Variants in BPI observed in about 807,000 individuals in gnomAD.
The protein encoded by BPI is bactericidal permeability-increasing protein.
A neutral mutation model predicts 57.6 loss-of-function variants in BPI; 48 were observed. The ratio of observed to expected loss-of-function variants is 0.83; its 90% CI spans 0.66 to 1.06. The LOEUF (loss-of-function observed/expected upper bound fraction) is 1.06. Ranked by LOEUF, BPI falls within the 50% of genes least tolerant of loss-of-function variation. The pLI is 0.00. For missense variants in BPI, 651 were observed against 609.7 expected (o/e 1.07, Z -0.71); for synonymous variants, 237 against 238.2 (o/e 0.99, Z 0.05).
Position 38,324,018 on chromosome 20 carries a change from TC to T in BPI, c.906del (p.Leu303Ter). Reference protein sequence around the residue: ...TAGLVYQEAGVLKMTLRDDMI... With the variant: ...TAGLVYQEAGXLKMTLRDDMI... ...GGGCTTGTATACCAAGAGGCTGGGG[TC>T]TTGAAGATGACCCTTAGAGATGACA... On this transcript the variant is annotated frameshift_variant, in exon 8 of 15. Coordinates refer to ENST00000642449, the MANE Select transcript of BPI (RefSeq NM_001725.3). LOFTEE classifies it high-confidence loss of function. The T allele has an allele frequency of 6.2e-7, 1 of 1,613,980 alleles. No individual in the cohort carries two copies. Among genetic ancestry groups the T allele is most frequent in the Non-Finnish European group, 8.5e-7 (1 of 1,180,020 alleles).
rs77235139 is a variant in BPI at position 38,335,013 on chromosome 20, C to A, written c.1336+520C>A. ...AAAGTACTAATAGAGGCCCATATAA[C>A]CTGTGACTAGGATATTTAGAACTTA... On this transcript the variant is annotated intron_variant, in intron 13 of 14. Transcript: ENST00000642449. 5.5e-3 allele frequency among the ~76,000 whole-genome samples: 836 copies of A among 152,236 alleles called. 9 individuals are homozygous for A. Among genetic ancestry groups the A allele is most frequent in the African/African-American group, 0.019 (801 of 41,554 alleles).
chr20:38,324,135 A>C (rs1233814441), intron 8 of BPI, 89 bp downstream of exon 8: 651 of 1,435,180 alleles, frequency 4.5e-4, no homozygotes, highest in Non-Finnish European at 5.6e-4. Context: ...AGCTTTTCTC[A>C]CATTGGGGTA....
At chr20:38,317,258 C>T (rs76258615) in intron 5 of BPI, among the ~76,000 whole-genome samples, 16 of 152,300 alleles carry the variant, frequency 1.1e-4, no homozygotes, top group Admixed American at 1.0e-3. Context: ...CTATCTATTG[C>T]TTGAAAACAA....
intron 7 of BPI, among the ~76,000 whole-genome samples, chr20:38,321,166 TGG>T (rs1568814926): frequency 2.0e-4 from 26 of 129,606 alleles, no homozygotes; most frequent in African/African-American, 7.8e-4. Flanking sequence ...GATGGATGGA[TGG>T]ATGGATGGAT....
intron 7 of BPI, among the ~76,000 whole-genome samples, chr20:38,321,367 A>C (rs185600884): frequency 9.7e-4 from 147 of 152,126 alleles, no homozygotes; most frequent in Non-Finnish European, 9.1e-4. Context: ...AACCAGACAC[A>C]CTGGCCTTAC....
At chr20:38,313,346 G>T (rs2076630618) in intron 5 of BPI, among the ~76,000 whole-genome samples, 1 of 128,018 alleles carries the variant, frequency 7.8e-6, no homozygotes, top group South Asian at 2.5e-4. Flanking sequence ...TCATGCCATT[G>T]CACTCCAGCC....
At chr20:38,320,828 T>C (rs1189540423) in intron 7 of BPI, among the ~76,000 whole-genome samples, 4 of 120,768 alleles carry the variant, frequency 3.3e-5, no homozygotes. Context: ...ATTTGTTGGA[T>C]GGGTGGATGG....
intron 11 of BPI, 142 bp from the exon 12 acceptor site, chr20:38,330,906 G>A: frequency 2.2e-6 from 2 of 899,710 alleles, no homozygotes; most frequent in South Asian, 1.6e-5. Context: ...ACATCGGGGG[G>A]CTGTGACCCG....
chr20:38,308,917 T>G lies in BPI; in HGVS notation c.246-13T>G. 6.2e-7 allele frequency: 1 copy of G among 1,614,102 alleles called. No individual in the cohort carries two copies. Among genetic ancestry groups the G allele is most frequent in the Non-Finnish European group, 8.5e-7 (1 of 1,179,940 alleles). On this transcript the variant is annotated splice_polypyrimidine_tract_variant and intron_variant, in intron 2 of 14. Transcript: ENST00000642449. The stretch of plus-strand genomic sequence containing the variant: ...ATATGAAATTATATGACATTCACAT[T>G]TCTCCTTTGCAGCATGGACATCCGT...
intron 7 of BPI, among the ~76,000 whole-genome samples, chr20:38,323,004 C>T (rs940574916): frequency 1.1e-4 from 16 of 152,122 alleles, no homozygotes; most frequent in African/African-American, 3.9e-4. Context: ...ACAGAGAATG[C>T]TATACACTTC....
intron 12 of BPI, among the ~76,000 whole-genome samples, chr20:38,334,162 G>A (rs191339275): frequency 1.4e-4 from 22 of 152,282 alleles, no homozygotes; most frequent in East Asian, 3.9e-4. Flanking sequence ...CATGATTGTC[G>A]TGAGTTGTAA....
intron 11 of BPI, 151 bp downstream of exon 11, chr20:38,327,806 G>C (rs961900277): frequency 4.2e-5 from 38 of 898,030 alleles, no homozygotes; most frequent in Non-Finnish European, 6.4e-5. Flanking sequence ...GATGGCCACA[G>C]TATCCCCATT....
chr20:38,305,686 G>A (rs2076593508), intron 1 of BPI, among the ~76,000 whole-genome samples: 2 of 152,068 alleles, frequency 1.3e-5, no homozygotes. Context: ...TCTGCCCCTT[G>A]TCCGCTGTGT....
chr20:38,305,258 C>T (rs558816747), intron 1 of BPI, among the ~76,000 whole-genome samples: 1 of 152,268 alleles, frequency 6.6e-6, no homozygotes, highest in Non-Finnish European at 1.5e-5. Context: ...CAGAAGGCCA[C>T]AGAAGACAGA....
intron 3 of BPI, 34 bp from the exon 4 acceptor site, chr20:38,310,457 G>C: frequency 6.2e-7 from 1 of 1,601,358 alleles, no homozygotes; most frequent in Non-Finnish European, 8.5e-7. Context: ...GGGAAGAAAG[G>C]ACTTGTCCCA....
At position 38,307,590 on chromosome 20, in the gene BPI, C is replaced by T. The variant is rs759273170; in HGVS notation, c.154C>T (p.Leu52=). ...DYASQQGTAA[L]QKELKRIKIP... Reference sequence around the variant, plus strand: ...AGCCAGCCAGCAGGGGACGGCCGCTCTGCAGAAGGAGCTGAAGAGGATCAA... The same window carrying T: ...AGCCAGCCAGCAGGGGACGGCCGCTTTGCAGAAGGAGCTGAAGAGGATCAA... Residue 52 remains leucine, a synonymous_variant, in exon 2 of 15, where the codon CTG becomes TTG. Coordinates refer to ENST00000642449, the MANE Select transcript of BPI (RefSeq NM_001725.3). 2.5e-6 allele frequency: 4 copies of T among 1,609,904 alleles called. No homozygotes were observed. Among genetic ancestry groups the T allele is most frequent in the Non-Finnish European group, 3.4e-6 (4 of 1,178,406 alleles).
At chr20:38,308,887 G>C (rs765068736) in intron 2 of BPI, 43 bp from the exon 3 acceptor site, 41 of 1,612,324 alleles carry the variant, frequency 2.5e-5, no homozygotes, top group Non-Finnish European at 3.4e-5. Flanking sequence ...TGTGCACCTA[G>C]GAGTATATGA....
chr20:38,316,726 G>A (rs2076653995), intron 5 of BPI, among the ~76,000 whole-genome samples: 1 of 152,204 alleles, frequency 6.6e-6, no homozygotes, highest in South Asian at 2.1e-4. Flanking sequence ...GAAGCGGGAA[G>A]AAGGCTGGGG....
In BPI at chr20:38,309,177, AG is replaced by A. The variant is rs2076610660; in HGVS notation, c.374+120del. On this transcript the variant is annotated intron_variant, in intron 3 of 14. Coordinates refer to ENST00000642449, the MANE Select transcript of BPI (RefSeq NM_001725.3). Reference sequence around the variant, plus strand: ...CTTGCCTATTACCACCTATAGCCACAGCGTTCCTCAGGAAATTCTTCACATG... The same window carrying A: ...CTTGCCTATTACCACCTATAGCCACACGTTCCTCAGGAAATTCTTCACATG... The A allele has an allele frequency of 3.6e-6, 5 of 1,395,206 alleles. No homozygotes were observed. The South Asian group carries it at 6.6e-5, about 18-fold the overall frequency. 86.4% of individuals were successfully genotyped at this position (1,395,206 alleles called of 1,614,324 possible). A position where few individuals can be genotyped will look rare whatever the true frequency, so the allele number is the denominator to read the frequency against.
Sources: allele counts gnomAD v4.1 joint callset (sites outside exome capture counted in the v4.1 genomes callset), GRCh38; gene constraint gnomAD v4.1.1; transcripts MANE v1.5; gene names NCBI Gene and HGNC (gene_info 2026-07-23, HGNC 2026-07-21).